TNKS: variants seen among roughly 807,000 people sequenced by gnomAD.
TNKS encodes tankyrase.
TNKS carries 72 observed loss-of-function variants against 135.8 expected under a neutral mutation model. That is an observed-to-expected ratio of 0.53 (90% CI 0.44 to 0.64). TNKS has a LOEUF of 0.64. Ranked by LOEUF, TNKS falls within the 30% of genes least tolerant of loss-of-function variation. TNKS has a pLI of 0.00. For missense variants in TNKS, 1,769 were observed against 1,674.0 expected, an observed-to-expected ratio of 1.06 and a Z score of -0.99; for synonymous variants, 849 against 649.3, an observed-to-expected ratio of 1.31 and a Z score of -4.68.
chr8:9,638,684 T>A (rs1250099572), intron 3 of TNKS, among the ~76,000 whole-genome samples: 2 of 152,224 alleles, frequency 1.3e-5, no homozygotes, highest in Non-Finnish European at 2.9e-5. Flanking sequence ...TAAAACATAA[T>A]TTAACCAAAG....
intron 12 of TNKS, among the ~76,000 whole-genome samples, chr8:9,720,929 T>G (rs1401030182): frequency 1.3e-5 from 2 of 152,204 alleles, no homozygotes; most frequent in Non-Finnish European, 2.9e-5. Context: ...TCTGACATAC[T>G]TTTAAAATTC....
At chr8:9,716,045 C>T (rs139362171) in intron 11 of TNKS, among the ~76,000 whole-genome samples, 1 of 152,230 alleles carries the variant, frequency 6.6e-6, no homozygotes, top group East Asian at 1.9e-4. Context: ...TAAAGCATAG[C>T]TATTTTGTCA....
At chr8:9,758,969 C>T (rs1426355824) in intron 20 of TNKS, among the ~76,000 whole-genome samples, 1 of 152,222 alleles carries the variant, frequency 6.6e-6, no homozygotes, top group Non-Finnish European at 1.5e-5. Flanking sequence ...CTTCCATACC[C>T]TCACGTGCTT....
chr8:9,680,695 T>C lies in TNKS; in HGVS notation c.1032-30T>C, dbSNP rs1392097114. 4 of 1,488,820 alleles carry C rather than the reference T, an allele frequency of 2.7e-6. No individual in the cohort carries two copies. In the African/African-American group the frequency reaches 5.6e-5, roughly 21 times the overall value. The allele number at this position is 1,488,820 out of a possible 1,614,324, so 92.2% of individuals were successfully genotyped here. ...ATATTCATAAGAAGCTTTGTAATTTTAGAGGAATTGACTTACTACCTTTTT... is the reference window on the plus strand; with the variant it reads ...ATATTCATAAGAAGCTTTGTAATTTCAGAGGAATTGACTTACTACCTTTTT... On this transcript the variant is annotated intron_variant, in intron 4 of 26. Transcript: ENST00000310430.
At chr8:9,666,522 C>T (rs991586174) in intron 3 of TNKS, among the ~76,000 whole-genome samples, 3 of 151,976 alleles carry the variant, frequency 2.0e-5, no homozygotes, top group Non-Finnish European at 4.4e-5. Flanking sequence ...GAGTTCGAGA[C>T]CAGCCTGGCC....
intron 2 of TNKS, among the ~76,000 whole-genome samples, chr8:9,596,436 C>G (rs924831636): frequency 1.3e-5 from 2 of 152,116 alleles, no homozygotes; most frequent in African/African-American, 4.8e-5. Context: ...TATTTATAGG[C>G]TTTACATTTG....
intron 5 of TNKS, among the ~76,000 whole-genome samples, chr8:9,689,887 G>A (rs528346936): frequency 6.6e-6 from 1 of 152,258 alleles, no homozygotes; most frequent in South Asian, 2.1e-4. Context: ...CAGTGCAAGT[G>A]GTTTCTTCTT....
intron 1 of TNKS, among the ~76,000 whole-genome samples, chr8:9,572,410 C>G (rs1445963153): frequency 1.3e-5 from 2 of 152,150 alleles, no homozygotes; most frequent in Non-Finnish European, 2.9e-5. Context: ...ATATATTAAT[C>G]TGAACTTTTA....
Position 9,764,681 on chromosome 8 carries a change from G to T in TNKS, c.3373-35G>T, listed in dbSNP as rs191169448. The T allele has an allele frequency of 4.4e-5, 67 of 1,512,886 alleles. No homozygotes were observed. The Middle Eastern group carries it at 5.1e-4, about 12-fold the overall frequency. 93.7% of individuals were successfully genotyped at this position (1,512,886 alleles called of 1,614,324 possible). On this transcript the variant is annotated intron_variant, in intron 22 of 26. Transcript: ENST00000310430. The stretch of plus-strand genomic sequence containing the variant: ...ATCATTGTCTAGAATTACACACTGG[G>T]ATGTTTTTATAAAATTAGTTATTTT...
chr8:9,577,078 G>A lies in TNKS; in HGVS notation c.674-3081G>A, dbSNP rs61216004. On this transcript the variant is annotated intron_variant, in intron 1 of 26. Transcript: ENST00000310430. ...ATATTTAGTTTTCAACAGTAAAAAA[G>A]CAAATATCTGAACTGAAAAATGTAA... 3.4e-3 allele frequency among the ~76,000 whole-genome samples: 517 copies of A among 151,954 alleles called. 1 individual carries two copies. The highest frequency in any genetic ancestry group is 0.012 in the African/African-American group (482 of 41,458).
chr8:9,617,802 A>T (rs137855619), intron 3 of TNKS, among the ~76,000 whole-genome samples: 159 of 152,252 alleles, frequency 1.0e-3, no homozygotes, highest in African/African-American at 3.8e-3. Context: ...TAGTACCCTT[A>T]CTTACCTTGA....
At position 9,770,178 on chromosome 8, in the gene TNKS, G is replaced by T. The variant is rs776524512; in HGVS notation, c.3813G>T (p.Ala1271=). 6.2e-7 allele frequency: 1 copy of T among 1,613,360 alleles called. No homozygotes were observed. The highest frequency in any genetic ancestry group is 8.5e-7 in the Non-Finnish European group (1 of 1,179,958). The change falls in exon 26 of 27, where the codon GCG becomes GCT. Residue 1271 remains alanine, a synonymous_variant. Transcript: ENST00000310430. ...TTAGCACCATGAAAATGGCCCACGCGCCTCCAGGGCACCACTCAGTCATTG... is the reference window on the plus strand; with the variant it reads ...TTAGCACCATGAAAATGGCCCACGCTCCTCCAGGGCACCACTCAGTCATTG... ...LQFSTMKMAH[A]PPGHHSVIGR...
intron 3 of TNKS, among the ~76,000 whole-genome samples, chr8:9,627,958 A>G (rs1041918508): frequency 1.3e-5 from 2 of 152,044 alleles, no homozygotes; most frequent in Non-Finnish European, 2.9e-5. Context: ...CTGCAGCTGC[A>G]CTCGTGTACA....
In TNKS at chr8:9,643,011, C is replaced by T. The variant is rs538196742; in HGVS notation, c.994+27334C>T. Among the ~76,000 whole-genome samples the T allele has an allele frequency of 4.8e-5, 7 of 145,794 alleles. 1 individual carries two copies. In the South Asian group the frequency reaches 1.5e-3, roughly 32 times the overall value. ...TTTTTTAAGTCAGTGGAAGGAAAACCCTAATCTACTTTATTGAATATAATT... is the reference window on the plus strand; with the variant it reads ...TTTTTTAAGTCAGTGGAAGGAAAACTCTAATCTACTTTATTGAATATAATT... On this transcript the variant is annotated intron_variant, in intron 3 of 26. Coordinates refer to ENST00000310430, the MANE Select transcript of TNKS (RefSeq NM_003747.3).
chr8:9,749,828 T>G (rs1243313696), intron 18 of TNKS, among the ~76,000 whole-genome samples: 1 of 152,170 alleles, frequency 6.6e-6, no homozygotes, highest in African/African-American at 2.4e-5. Context: ...TCTCTTTTCA[T>G]AAGAAATGGA....
chr8:9,753,169 T>G (rs1005223153), intron 20 of TNKS, among the ~76,000 whole-genome samples: 1 of 152,172 alleles, frequency 6.6e-6, no homozygotes, highest in Non-Finnish European at 1.5e-5. Context: ...TTATTACATG[T>G]CAAAACTTAG....
Position 9,710,359 on chromosome 8 carries a change from C to A in TNKS, c.1749+139C>A, listed in dbSNP as rs1260233862. On this transcript the variant is annotated intron_variant, in intron 11 of 26. Transcript: ENST00000310430. ...TAGTTCGTACTTAAATTCATGGATT[C>A]TCCTATAAAGCTGATTTAGATCTTG... The A allele has an allele frequency of 4.0e-6, 3 of 754,400 alleles. No individual in the cohort carries two copies. In the Admixed American group the frequency reaches 7.3e-5, roughly 18 times the overall value. 46.7% of individuals were successfully genotyped at this position (754,400 alleles called of 1,614,324 possible). A position where few individuals can be genotyped will look rare whatever the true frequency, so the allele number is the denominator to read the frequency against.
chr8:9,567,340 T>G (rs940311260), intron 1 of TNKS, among the ~76,000 whole-genome samples: 1 of 152,228 alleles, frequency 6.6e-6, no homozygotes, highest in South Asian at 2.1e-4. Context: ...ACATAAAAAG[T>G]GTGATTGGAA....
Position 9,782,074 on chromosome 8 carries a change from A to G in TNKS, c.*5338A>G, listed in dbSNP as rs1808477984. The G allele has an allele frequency of 6.6e-6, 1 of 152,312 alleles. No homozygotes were observed. The highest frequency in any genetic ancestry group is 6.5e-5 in the Admixed American group (1 of 15,286). 9.4% of individuals were successfully genotyped at this position (152,312 alleles called of 1,614,324 possible). ...TTTTCTCATTGTTTGGTTTTTCTAA[A>G]TCTGGCAATCCTACAGCTGTGGTCA... On this transcript the variant is annotated 3_prime_UTR_variant, in exon 27 of 27. Coordinates refer to ENST00000310430, the MANE Select transcript of TNKS (RefSeq NM_003747.3).
Sources: allele counts gnomAD v4.1 joint callset (sites outside exome capture counted in the v4.1 genomes callset), GRCh38; gene constraint gnomAD v4.1.1; transcripts MANE v1.5; gene names NCBI Gene and HGNC (gene_info 2026-07-23, HGNC 2026-07-21).